The following BCL9L variants were observed in gnomAD, a reference collection of about 807,000 sequenced individuals.
BCL9L encodes the protein BCL9 like.
A neutral mutation model predicts 99.4 loss-of-function variants in BCL9L; 19 were observed. The ratio of observed to expected loss-of-function variants is 0.19; its 90% CI spans 0.13 to 0.28. The LOEUF (loss-of-function observed/expected upper bound fraction) is 0.28, where lower values mean the gene tolerates loss of function less well. BCL9L is among the 10% of genes least tolerant of loss of function. The pLI is 1.00. For synonymous variants in BCL9L, 900 were observed against 854.8 expected (o/e 1.05, Z -0.92); for missense variants, 2,023 against 2,101.6 (o/e 0.96, Z 0.73).
chr11:118,903,050 G>T lies in BCL9L; in HGVS notation c.774C>A (p.Gly258=). ...ANTAAEAVLQ[G]RADSILAYHQ... Reference sequence around the variant, plus strand: ...GGTAGGCGAGGATGGAGTCGGCCCGGCCCTGCAGCACTGCCTCTGCAGCCC... The same window carrying T: ...GGTAGGCGAGGATGGAGTCGGCCCGTCCCTGCAGCACTGCCTCTGCAGCCC... The change falls in exon 7 of 10, where the codon GGC becomes GGA. Residue 258 remains glycine (G), a synonymous_variant. Coordinates refer to ENST00000683865, the MANE Select transcript of BCL9L (RefSeq NM_001378213.1). This position sits in a 1 kb window ranked among gnomAD's most constrained non-coding sequence, Gnocchi z 5.6. 1 of 1,587,854 alleles carries T rather than the reference G, an allele frequency of 6.3e-7. No homozygotes were observed. The highest frequency in any genetic ancestry group is 8.5e-7 in the Non-Finnish European group (1 of 1,171,686).
At chr11:118,912,188 C>T (rs886932372) in intron 2 of BCL9L, among the ~76,000 whole-genome samples, 4 of 152,364 alleles carry the variant, frequency 2.6e-5, no homozygotes, top group African/African-American at 7.2e-5. Flanking sequence ...CCTGGAAGGC[C>T]TGGTGATGGG....
Position 118,900,868 on chromosome 11 carries a change from A to C in BCL9L, c.2875T>G (p.Ser959Ala), listed in dbSNP as rs765340099. The C allele has an allele frequency of 6.2e-7, 1 of 1,610,140 alleles. No individual in the cohort carries two copies. Among genetic ancestry groups the C allele is most frequent in the Non-Finnish European group, 8.5e-7 (1 of 1,177,182 alleles). Residue 959 changes from serine to alanine, a missense_variant, in exon 8 of 10, where the codon TCA becomes GCA. Coordinates refer to ENST00000683865, the MANE Select transcript of BCL9L (RefSeq NM_001378213.1). This position sits in a 1 kb window ranked among gnomAD's most constrained non-coding sequence, Gnocchi z 5.3. ...SANLKSPQTP[S>A]QMVPLPSANP... ...GCAGAAGGCAAGGGCACCATCTGTG[A>C]GGGAGTCTGGGGTGACTTGAGGTTG...
rs773972335 is a variant in BCL9L at position 118,899,189 on chromosome 11, A to G, written c.3726T>C (p.Thr1242=). ...LQQPHGAMAP[T]GGGGGGPGLQ... is the part of the protein sequence containing the mutation. ...GGCCAGGCCCCCCGCCCCCACCCCC[A>G]GTGGGGGCCATGGCACCATGGGGCT... The change falls in exon 10 of 10, where the codon ACT becomes ACC. Residue 1242 remains threonine, a synonymous_variant. Transcript: ENST00000683865. The G allele has an allele frequency of 7.9e-5, 117 of 1,489,628 alleles. No homozygotes were observed. Among genetic ancestry groups the G allele is most frequent in the Non-Finnish European group, 9.3e-5 (104 of 1,118,988 alleles). The allele number at this position is 1,489,628 out of a possible 1,614,324, so 92.3% of individuals were successfully genotyped here. A position where few individuals can be genotyped will look rare whatever the true frequency, so the allele number is the denominator to read the frequency against.
At chr11:118,904,812 T>C (rs993543280) in intron 5 of BCL9L, among the ~76,000 whole-genome samples, 3 of 152,204 alleles carry the variant, frequency 2.0e-5, no homozygotes, top group African/African-American at 4.8e-5. Context: ...CCTTCTTCTC[T>C]GATGGACCCA....
chr11:118,901,521 TCCATGCCCATGGGAGTGCCCG>T lies in BCL9L; in HGVS notation c.2201_2221del (p.Ala734_Met740del). ...CAGGAGGCCCCGGCCTCCACCAAACTCCATGCCCATGGGAGTGCCCGCCAGGCCCTCACCACCAGCCATCTG... is the reference window on the plus strand; with the variant it reads ...CAGGAGGCCCCGGCCTCCACCAAACTCCAGGCCCTCACCACCAGCCATCTG... On this transcript the variant is annotated inframe_deletion, in exon 8 of 10. Coordinates refer to ENST00000683865, the MANE Select transcript of BCL9L (RefSeq NM_001378213.1). The surrounding 1 kb of genome is among the most constrained non-coding windows in gnomAD (Gnocchi z 6.6). 1 of 1,613,880 alleles carries T rather than the reference TCCATGCCCATGGGAGTGCCCG, an allele frequency of 6.2e-7. No individual in the cohort carries two copies. Among genetic ancestry groups the T allele is most frequent in the Non-Finnish European group, 8.5e-7 (1 of 1,179,898 alleles).
chr11:118,898,587 C>T lies in BCL9L; in HGVS notation c.4328G>A (p.Gly1443Asp), dbSNP rs773610158. ...FMLMKQRGVGGEVYSQPPHML... is the reference protein window; with the variant it reads ...FMLMKQRGVGDEVYSQPPHML... ...GTGGGGCGGCTGGCTGTAGACCTCG[C>T]CCCCCACGCCCCGCTGCTTCATCAG... Residue 1443 changes from glycine to aspartate, a missense_variant, in exon 10 of 10, where the codon GGC becomes GAC. Transcript: ENST00000683865. The T allele has an allele frequency of 2.5e-6, 4 of 1,611,126 alleles. No individual in the cohort carries two copies. Among genetic ancestry groups the T allele is most frequent in the Middle Eastern group, 1.7e-4 (1 of 5,984 alleles).
chr11:118,917,233 A>ATT (rs1418915357), intron 2 of BCL9L, among the ~76,000 whole-genome samples: 1 of 152,126 alleles, frequency 6.6e-6, no homozygotes, highest in Non-Finnish European at 1.5e-5. Flanking sequence ...CTCACCATCA[A>ATT]TTCTTTCCCT....
Position 118,899,183 on chromosome 11 carries a change from AC to A in BCL9L, c.3731del (p.Gly1244ValfsTer37). The A allele has an allele frequency of 6.7e-7, 1 of 1,487,278 alleles. No individual in the cohort carries two copies. Among genetic ancestry groups the A allele is most frequent in the Non-Finnish European group, 8.9e-7 (1 of 1,117,906 alleles). 92.1% of individuals were successfully genotyped at this position (1,487,278 alleles called of 1,614,324 possible). ...GCTGCAGGCCAGGCCCCCCGCCCCC[AC>A]CCCCAGTGGGGGCCATGGCACCATG... ...QPHGAMAPTG[G>X]GGGGPGLQQH... On this transcript the variant is annotated frameshift_variant, in exon 10 of 10. Coordinates refer to ENST00000683865, the MANE Select transcript of BCL9L (RefSeq NM_001378213.1). LOFTEE classifies it high-confidence loss of function.
intron 2 of BCL9L, among the ~76,000 whole-genome samples, chr11:118,912,961 A>G (rs935834092): frequency 2.6e-5 from 4 of 152,002 alleles, no homozygotes; most frequent in African/African-American, 9.7e-5. Context: ...AGGACCCCTC[A>G]GTCCTCAGAA....
chr11:118,901,391 C>A lies in BCL9L; in HGVS notation c.2352G>T (p.Leu784=). 6.2e-7 allele frequency: 1 copy of A among 1,613,994 alleles called. No homozygotes were observed. Among genetic ancestry groups the A allele is most frequent in the Admixed American group, 1.7e-5 (1 of 60,012 alleles). The change falls in exon 8 of 10, where the codon CTG becomes CTT. Residue 784 remains leucine (L), a synonymous_variant. Transcript: ENST00000683865. This position sits in a 1 kb window ranked among gnomAD's most constrained non-coding sequence, Gnocchi z 6.6. Reference sequence around the variant, plus strand: ...GCTGCTGCGGGGTCATCTGCACGTTCAGGTTCATGTTCATGTTCATGTTGA... The same window carrying A: ...GCTGCTGCGGGGTCATCTGCACGTTAAGGTTCATGTTCATGTTCATGTTGA... ...MNVNMNMNMN[L]NVQMTPQQQM... is the part of the protein sequence containing the mutation.
chr11:118,924,211 G>A (rs1941222321), intron 1 of BCL9L, among the ~76,000 whole-genome samples: 1 of 152,098 alleles, frequency 6.6e-6, no homozygotes, highest in Non-Finnish European at 1.5e-5. Context: ...AAGGCTGGGA[G>A]TGAGGGCAGA....
At chr11:118,919,449 T>C (rs925292461) in intron 1 of BCL9L, among the ~76,000 whole-genome samples, 1 of 152,070 alleles carries the variant, frequency 6.6e-6, no homozygotes, top group East Asian at 1.9e-4. Context: ...TGGGAGGACC[T>C]GGGCCGAGGG....
In BCL9L at chr11:118,903,517, CCCT is replaced by C; in HGVS notation, c.533-68_533-66del. The C allele has an allele frequency of 1.3e-6, 2 of 1,522,890 alleles. No individual in the cohort carries two copies. The highest frequency in any genetic ancestry group is 1.8e-6 in the Non-Finnish European group (2 of 1,107,734). 94.3% of individuals were successfully genotyped at this position (1,522,890 alleles called of 1,614,324 possible). On this transcript the variant is annotated intron_variant, in intron 5 of 9. Transcript: ENST00000683865. This position sits in a 1 kb window ranked among gnomAD's most constrained non-coding sequence, Gnocchi z 5.6. Reference sequence around the variant, plus strand: ...GATACAAGAAGGACCAGCTGATGCCCCCTCCCACTGATGCTCACAGCCTTACAG... The same window carrying C: ...GATACAAGAAGGACCAGCTGATGCCCCCCACTGATGCTCACAGCCTTACAG...
intron 2 of BCL9L, 141 bp downstream of exon 2, chr11:118,918,685 G>C (rs1941048848): frequency 6.6e-6 from 1 of 151,970 alleles, no homozygotes; most frequent in Non-Finnish European, 1.5e-5. Context: ...GGAATGAAAG[G>C]AGAGATGGGG....
intron 2 of BCL9L, among the ~76,000 whole-genome samples, chr11:118,917,004 G>T (rs1940984213): frequency 6.6e-6 from 1 of 152,230 alleles, no homozygotes. Context: ...CAGGGAGGAG[G>T]GCTGGCCCTG....
At chr11:118,911,722 T>G (rs1476169866) in intron 2 of BCL9L, among the ~76,000 whole-genome samples, 1 of 152,234 alleles carries the variant, frequency 6.6e-6, no homozygotes, top group African/African-American at 2.4e-5. Context: ...TGTGGCAGTG[T>G]GGGGACGGAC....
intron 2 of BCL9L, among the ~76,000 whole-genome samples, chr11:118,915,464 T>G (rs1940935190): frequency 6.6e-6 from 1 of 152,158 alleles, no homozygotes; most frequent in African/African-American, 2.4e-5. Flanking sequence ...ATATTAGTGG[T>G]ACCAAGTAAA....
At position 118,901,570 on chromosome 11, in the gene BCL9L, C is replaced by T. The variant is rs757450996; in HGVS notation, c.2173G>A (p.Gly725Arg). 16 of 1,614,138 alleles carry T rather than the reference C, an allele frequency of 9.9e-6. No individual in the cohort carries two copies. The highest frequency in any genetic ancestry group is 5.5e-5 in the South Asian group (5 of 91,080). Residue 725 changes from glycine to arginine, a missense_variant, in exon 8 of 10, where the codon GGG (glycine) becomes AGG (arginine). Gly to Arg is a moderately radical substitution (Grantham distance 125, BLOSUM62 -2). Coordinates refer to ENST00000683865, the MANE Select transcript of BCL9L (RefSeq NM_001378213.1). The surrounding 1 kb of genome is among the most constrained non-coding windows in gnomAD (Gnocchi z 6.6). The stretch of plus-strand genomic sequence containing the variant: ...AGGCCCTCACCACCAGCCATCTGCC[C>T]GGGAAACATGGCAGGATCCATCTGT... ...HRQMDPAMFP[G>R]QMAGGEGLAG...
Position 118,900,776 on chromosome 11 carries a change from A to G in BCL9L, c.2967T>C (p.Thr989=), listed in dbSNP as rs1446073814. 1 of 1,613,960 alleles carries G rather than the reference A, an allele frequency of 6.2e-7. No individual in the cohort carries two copies. The highest frequency in any genetic ancestry group is 1.7e-5 in the Admixed American group (1 of 60,020). The part of the protein sequence containing the change: ...LGSSLSVRSP[T]GSPSRLKSPS... ...GAGACTTGAGCCTGCTGGGCGAGCC[A>G]GTGGGTGAACGGACACTGAGGGAGG... The change falls in exon 8 of 10, where the codon ACT becomes ACC. Residue 989 remains threonine (T), a synonymous_variant. Coordinates refer to ENST00000683865, the MANE Select transcript of BCL9L (RefSeq NM_001378213.1). This position sits in a 1 kb window ranked among gnomAD's most constrained non-coding sequence, Gnocchi z 5.3.
Sources: gnomAD v4.1 joint callset for allele counts (sites outside exome capture counted in the v4.1 genomes callset) on GRCh38, gnomAD v4.1.1 for gene constraint, Gnocchi (gnomAD v3.1) non-coding constraint, MANE v1.5 for transcripts, NCBI Gene and HGNC (gene_info 2026-07-23, HGNC 2026-07-21) for gene names.